The following NOVA1 variants were observed in gnomAD, a reference collection of about 807,000 sequenced individuals.
NOVA1 encodes the protein RNA-binding protein Nova-1.
Under a neutral mutation model 38.0 loss-of-function variants are expected in NOVA1, and 7 were observed. The observed-to-expected ratio is 0.18, with a 90% CI of 0.10 to 0.35. The LOEUF is 0.35. Ranked by LOEUF, NOVA1 falls within the 10% of genes least tolerant of loss-of-function variation. NOVA1 has a pLI of 1.00. For missense variants in NOVA1, 460 were observed against 616.0 expected, an observed-to-expected ratio of 0.75 and a Z score of 2.68; for synonymous variants, 270 against 232.5, an observed-to-expected ratio of 1.16 and a Z score of -1.47.
chr14:26,475,586 T>C (rs1411245972), intron 3 of NOVA1, among the ~76,000 whole-genome samples: 1 of 152,222 alleles, frequency 6.6e-6, no homozygotes, highest in Non-Finnish European at 1.5e-5. Flanking sequence ...TGCCATTTTT[T>C]CTTTCAAACG....
intron 4 of NOVA1, among the ~76,000 whole-genome samples, chr14:26,451,109 T>C (rs1457705870): frequency 1.3e-5 from 2 of 152,136 alleles, no homozygotes; most frequent in African/African-American, 4.8e-5. Flanking sequence ...TAATAAAAGG[T>C]AATGAAATTT....
At position 26,581,247 on chromosome 14, in the gene NOVA1, T is replaced by C. The variant is rs151065459; in HGVS notation, c.280+14163A>G. ...AGAAGTACTGAACTGATGTGATAAT[T>C]GCTTAATAAACTACATTGTATAATA... On this transcript the variant is annotated intron_variant, in intron 2 of 4. Coordinates refer to ENST00000539517, the MANE Select transcript of NOVA1 (RefSeq NM_002515.3). 2.0e-3 allele frequency among the ~76,000 whole-genome samples: 312 copies of C among 152,230 alleles called. 1 individual carries two copies. The highest frequency in any genetic ancestry group is 9.9e-3 in the Admixed American group (151 of 15,262).
At chr14:26,454,031 T>C (rs1422515879) in intron 4 of NOVA1, among the ~76,000 whole-genome samples, 2 of 152,154 alleles carry the variant, frequency 1.3e-5, no homozygotes, top group African/African-American at 4.8e-5. Flanking sequence ...GTGCCTCAGA[T>C]AAGGCTGACA....
At chr14:26,524,621 G>A (rs1239949443) in intron 2 of NOVA1, among the ~76,000 whole-genome samples, 1 of 152,074 alleles carries the variant, frequency 6.6e-6, no homozygotes, top group Non-Finnish European at 1.5e-5. Context: ...TCATCTTCCA[G>A]GATTAATAAC....
intron 2 of NOVA1, among the ~76,000 whole-genome samples, chr14:26,572,228 C>A (rs1892527105): frequency 6.6e-6 from 1 of 152,034 alleles, no homozygotes; most frequent in Admixed American, 6.5e-5. Flanking sequence ...AAGATTAATT[C>A]AAGGTACATG....
At chr14:26,486,801 C>A (rs962401814) in intron 2 of NOVA1, among the ~76,000 whole-genome samples, 1 of 145,486 alleles carries the variant, frequency 6.9e-6, no homozygotes, top group African/African-American at 2.5e-5. Flanking sequence ...TTTATGAAAT[C>A]ATTTTTGATT....
chr14:26,493,169 A>G (rs1886486753), intron 2 of NOVA1, among the ~76,000 whole-genome samples: 1 of 152,148 alleles, frequency 6.6e-6, no homozygotes, highest in Non-Finnish European at 1.5e-5. Context: ...TAAATTAAAG[A>G]ATATCAGAAT....
chr14:26,542,558 A>C (rs1890528492), intron 2 of NOVA1, among the ~76,000 whole-genome samples: 1 of 151,968 alleles, frequency 6.6e-6, no homozygotes, highest in South Asian at 2.1e-4. Flanking sequence ...TGAATGAAAC[A>C]GAACTTTACT....
At chr14:26,540,845 A>G (rs1485790972) in intron 2 of NOVA1, among the ~76,000 whole-genome samples, 1 of 152,220 alleles carries the variant, frequency 6.6e-6, no homozygotes, top group African/African-American at 2.4e-5. Context: ...CTCCATGGAA[A>G]GCACAAAGGT....
chr14:26,493,930 A>G (rs1355264094), intron 2 of NOVA1, among the ~76,000 whole-genome samples: 1 of 152,154 alleles, frequency 6.6e-6, no homozygotes, highest in African/African-American at 2.4e-5. Flanking sequence ...AATTACAAGG[A>G]GCAGAAAAGA....
intron 2 of NOVA1, among the ~76,000 whole-genome samples, chr14:26,571,484 C>T (rs1892468250): frequency 6.6e-6 from 1 of 152,154 alleles, no homozygotes; most frequent in Admixed American, 6.5e-5. Flanking sequence ...CATGACATGA[C>T]AATGACGCAG....
intron 2 of NOVA1, chr14:26,519,110 CTT>C (rs1335717869): frequency 6.6e-6 from 1 of 152,060 alleles, no homozygotes; most frequent in Non-Finnish European, 1.5e-5. Context: ...ACTCAAATCT[CTT>C]CTCGTGAAAT....
At chr14:26,557,628 C>A (rs1353865894) in intron 2 of NOVA1, among the ~76,000 whole-genome samples, 4 of 151,986 alleles carry the variant, frequency 2.6e-5, no homozygotes, top group African/African-American at 9.7e-5. Flanking sequence ...CAACCTCTGC[C>A]TCCCAAAGTG....
intron 2 of NOVA1, among the ~76,000 whole-genome samples, chr14:26,481,980 G>T: frequency 4.0e-5 from 2 of 49,686 alleles, no homozygotes; most frequent in African/African-American, 9.8e-5. Context: ...GTCTAACTTA[G>T]ATAGAGATAA....
At chr14:26,565,228 A>C (rs2138697609) in intron 2 of NOVA1, among the ~76,000 whole-genome samples, 1 of 152,308 alleles carries the variant, frequency 6.6e-6, no homozygotes, top group South Asian at 2.1e-4. Flanking sequence ...GTTTTGTAAG[A>C]ACAAAATGTT....
intron 2 of NOVA1, among the ~76,000 whole-genome samples, chr14:26,551,451 T>C (rs1391491314): frequency 6.6e-6 from 1 of 152,114 alleles, no homozygotes; most frequent in Non-Finnish European, 1.5e-5. Flanking sequence ...TATTTTTGAT[T>C]TAGCCATGTC....
chr14:26,573,051 G>A (rs1201453535), intron 2 of NOVA1, among the ~76,000 whole-genome samples: 2 of 152,026 alleles, frequency 1.3e-5, no homozygotes, highest in Non-Finnish European at 2.9e-5. Flanking sequence ...CGGGGCCAAG[G>A]ACAGAATCGA....
intron 2 of NOVA1, among the ~76,000 whole-genome samples, chr14:26,587,576 G>A (rs1457389769): frequency 6.6e-6 from 1 of 150,786 alleles, no homozygotes; most frequent in Non-Finnish European, 1.5e-5. Flanking sequence ...ACTTTTTAAA[G>A]AAATCATCAT....
chr14:26,523,391 A>G (rs1889043994), intron 2 of NOVA1, among the ~76,000 whole-genome samples: 1 of 152,226 alleles, frequency 6.6e-6, no homozygotes, highest in Non-Finnish European at 1.5e-5. Flanking sequence ...TTCACACTGC[A>G]TGGTTCCTTA....
Sources: gnomAD v4.1 joint callset for allele counts (sites outside exome capture counted in the v4.1 genomes callset) on GRCh38, gnomAD v4.1.1 for gene constraint, MANE v1.5 for transcripts, NCBI Gene and HGNC (gene_info 2026-07-23, HGNC 2026-07-21) for gene names.